MAGI2: variants seen among roughly 807,000 people sequenced by gnomAD.
MAGI2 encodes membrane associated guanylate kinase, WW and PDZ domain containing 2, also known as membrane-associated guanylate kinase, WW and PDZ domain-containing protein 2.
In MAGI2, 35 loss-of-function variants were observed where a neutral mutation model predicts 133.3. The ratio of observed to expected loss-of-function variants is 0.26; its 90% CI spans 0.20 to 0.35. The LOEUF (loss-of-function observed/expected upper bound fraction) is 0.35. Ranked by LOEUF, MAGI2 falls within the 10% of genes least tolerant of loss-of-function variation. The pLI is 1.00. For missense variants in MAGI2, 1,636 were observed against 1,863.4 expected, an observed-to-expected ratio of 0.88 and a Z score of 2.25; for synonymous variants, 729 against 710.6, an observed-to-expected ratio of 1.03 and a Z score of -0.41.
At chr7:79,230,111 AG>A (rs1394626829) in intron 1 of MAGI2, among the ~76,000 whole-genome samples, 1 of 151,620 alleles carries the variant, frequency 6.6e-6, no homozygotes, top group Admixed American at 6.6e-5. Context: ...GTCCCTACAA[AG>A]GACATGAACT....
intron 1 of MAGI2, among the ~76,000 whole-genome samples, chr7:79,290,617 T>C (rs1019571628): frequency 6.6e-6 from 1 of 152,020 alleles, no homozygotes; most frequent in African/African-American, 2.4e-5. Context: ...CATAGCTAAA[T>C]GTGGCCTTCA....
At chr7:78,699,530 A>G (rs1022455731) in intron 2 of MAGI2, among the ~76,000 whole-genome samples, 1 of 152,206 alleles carries the variant, frequency 6.6e-6, no homozygotes, top group African/African-American at 2.4e-5. Context: ...AAGACATCGC[A>G]TTATGTATAT....
At chr7:78,601,710 T>C (rs995204342) in intron 3 of MAGI2, among the ~76,000 whole-genome samples, 87 of 152,290 alleles carry the variant, frequency 5.7e-4, no homozygotes, top group African/African-American at 2.1e-3. Flanking sequence ...TCCACAACTT[T>C]TACAAATCAA....
intron 1 of MAGI2, among the ~76,000 whole-genome samples, chr7:79,449,520 A>T (rs1290230825): frequency 2.0e-5 from 3 of 152,086 alleles, no homozygotes; most frequent in Non-Finnish European, 4.4e-5. Context: ...TTAGTGGCAA[A>T]CCTTAAAAAA....
At chr7:78,699,037 C>T (rs886190070) in intron 2 of MAGI2, among the ~76,000 whole-genome samples, 1 of 152,178 alleles carries the variant, frequency 6.6e-6, no homozygotes, top group Non-Finnish European at 1.5e-5. Context: ...TGGTGATAAA[C>T]AATCACAGAT....
chr7:78,783,158 A>G (rs1039784855), intron 2 of MAGI2, among the ~76,000 whole-genome samples: 2 of 152,086 alleles, frequency 1.3e-5, no homozygotes, highest in East Asian at 3.9e-4. Flanking sequence ...GTGCTCAGTA[A>G]TATTCACTAA....
chr7:78,386,053 A>G (rs1795361781), intron 6 of MAGI2, among the ~76,000 whole-genome samples: 1 of 152,126 alleles, frequency 6.6e-6, no homozygotes, highest in African/African-American at 2.4e-5. Context: ...GGCCATTGCA[A>G]TTTATATGAA....
chr7:78,148,074 A>G (rs1313524804), intron 16 of MAGI2, among the ~76,000 whole-genome samples: 4 of 152,166 alleles, frequency 2.6e-5, no homozygotes, highest in African/African-American at 7.2e-5. Flanking sequence ...CCACACACAA[A>G]AAGACCTATA....
intron 1 of MAGI2, among the ~76,000 whole-genome samples, chr7:79,140,669 A>G (rs977694307): frequency 2.6e-5 from 4 of 152,214 alleles, no homozygotes; most frequent in Non-Finnish European, 4.4e-5. Flanking sequence ...ACATCAGATT[A>G]TGAACCATAA....
At chr7:78,230,736 G>A (rs1224036280) in intron 10 of MAGI2, among the ~76,000 whole-genome samples, 1 of 152,190 alleles carries the variant, frequency 6.6e-6, no homozygotes, top group Non-Finnish European at 1.5e-5. Flanking sequence ...CCTGACGCCA[G>A]CTCAGATTCT....
chr7:78,690,077 A>G (rs2151119201), intron 2 of MAGI2, among the ~76,000 whole-genome samples: 1 of 152,320 alleles, frequency 6.6e-6, no homozygotes, highest in East Asian at 1.9e-4. Context: ...CAAAACTTTC[A>G]TTTGGCTTTA....
chr7:78,598,802 A>G (rs1253392662), intron 3 of MAGI2, among the ~76,000 whole-genome samples: 1 of 152,192 alleles, frequency 6.6e-6, no homozygotes, highest in Non-Finnish European at 1.5e-5. Context: ...TGGAGTAAAT[A>G]AGTCAAAGTT....
At chr7:78,386,365 T>C (rs1251831338) in intron 6 of MAGI2, among the ~76,000 whole-genome samples, 2 of 152,136 alleles carry the variant, frequency 1.3e-5, no homozygotes, top group African/African-American at 4.8e-5. Flanking sequence ...GAAAAAGCTG[T>C]GGGTAAGATT....
chr7:78,689,199 A>G (rs1816694340), intron 2 of MAGI2, among the ~76,000 whole-genome samples: 1 of 152,198 alleles, frequency 6.6e-6, no homozygotes, highest in Admixed American at 6.6e-5. Flanking sequence ...ATTACATTTT[A>G]GTAAATGTTT....
At chr7:78,295,481 G>A (rs1324273087) in intron 9 of MAGI2, among the ~76,000 whole-genome samples, 1 of 152,128 alleles carries the variant, frequency 6.6e-6, no homozygotes. Flanking sequence ...ACCTCTGAGG[G>A]TGTGAAATCT....
At chr7:78,325,653 G>C (rs798304) in intron 9 of MAGI2, among the ~76,000 whole-genome samples, 111,474 of 152,076 alleles carry the variant, frequency 0.73, 41,286 homozygotes, top group African/African-American at 0.81. Flanking sequence ...AGATGACCAG[G>C]ATACAGCAAA....
At chr7:79,176,190 C>T (rs1826076448) in intron 1 of MAGI2, among the ~76,000 whole-genome samples, 1 of 151,948 alleles carries the variant, frequency 6.6e-6, no homozygotes, top group Non-Finnish European at 1.5e-5. Context: ...GATGCCCACT[C>T]GAATATACCT....
intron 3 of MAGI2, among the ~76,000 whole-genome samples, chr7:78,528,918 T>G (rs1051450972): frequency 6.6e-6 from 1 of 152,142 alleles, no homozygotes; most frequent in Non-Finnish European, 1.5e-5. Flanking sequence ...AATTTCTGAA[T>G]TTTTAGAAAT....
intron 9 of MAGI2, among the ~76,000 whole-genome samples, chr7:78,337,651 A>C (rs1414762348): frequency 6.6e-6 from 1 of 152,188 alleles, no homozygotes; most frequent in African/African-American, 2.4e-5. Context: ...TGTAGCATCT[A>C]TTATTTGTGT....
Sources: allele counts gnomAD v4.1 joint callset (sites outside exome capture counted in the v4.1 genomes callset), GRCh38; gene constraint gnomAD v4.1.1; transcripts MANE v1.5; gene names NCBI Gene and HGNC (gene_info 2026-07-23, HGNC 2026-07-21).